Variants in UNC13C observed in about 807,000 individuals in gnomAD.
UNC13C encodes unc-13 homolog C, also known as protein unc-13 homolog C.
Under a neutral mutation model 245.4 loss-of-function variants are expected in UNC13C, and 174 were observed. The observed-to-expected ratio is 0.71, with a 90% CI of 0.63 to 0.80. UNC13C has a LOEUF of 0.80. Among genes scored for constraint, UNC13C ranks in the 30% least tolerant of loss-of-function variants. The pLI, the probability that UNC13C is intolerant of heterozygous loss-of-function variation, is 0.00. For missense variants in UNC13C, 2,829 were observed against 2,602.9 expected (o/e 1.09, Z -1.89); for synonymous variants, 992 against 895.1 (o/e 1.11, Z -1.93).
chr15:54,321,094 C>T (rs1397368379), intron 13 of UNC13C: 3 of 500,742 alleles, frequency 6.0e-6, no homozygotes, highest in South Asian at 1.5e-5. Flanking sequence ...TTTAGGACCA[C>T]TTTGACCTCT....
At chr15:54,038,902 C>T (rs920421182) in intron 2 of UNC13C, among the ~76,000 whole-genome samples, 2 of 151,978 alleles carry the variant, frequency 1.3e-5, no homozygotes, top group African/African-American at 2.4e-5. Flanking sequence ...TAATTGTGGG[C>T]TTGATGTAGC....
At chr15:53,965,930 T>G in the UNC13C span, among the ~76,000 whole-genome samples, 1 of 152,194 alleles carries the variant, frequency 6.6e-6, no homozygotes, top group South Asian at 2.1e-4. Context: ...TATTCCATGG[T>G]GTATATGTGC....
intron 19 of UNC13C, among the ~76,000 whole-genome samples, chr15:54,455,208 T>TCTCTCTCTCTCC (rs1567289113): frequency 5.3e-5 from 3 of 56,672 alleles, no homozygotes; most frequent in African/African-American, 2.2e-4. Flanking sequence ...TCTCTCTCTA[T>TCTCTCTCTCTCC]ATATATATAT....
chr15:54,503,757 A>G (rs1342547534), intron 22 of UNC13C, among the ~76,000 whole-genome samples: 3 of 152,180 alleles, frequency 2.0e-5, no homozygotes, highest in Non-Finnish European at 4.4e-5. Context: ...AGAACTGCAA[A>G]CTATTGCAAT....
At chr15:54,615,748 T>C (rs1372037010) in intron 30 of UNC13C, among the ~76,000 whole-genome samples, 4 of 151,988 alleles carry the variant, frequency 2.6e-5, no homozygotes, top group Non-Finnish European at 5.9e-5. Flanking sequence ...TGGAAACAAG[T>C]AATGGTGACT....
intron 2 of UNC13C, among the ~76,000 whole-genome samples, chr15:54,046,227 A>G (rs1450261625): frequency 1.3e-5 from 2 of 152,164 alleles, no homozygotes; most frequent in East Asian, 1.9e-4. Context: ...AGCACTGTAG[A>G]TGTATTTTTC....
At chr15:54,055,986 G>A (rs17732192) in intron 2 of UNC13C, among the ~76,000 whole-genome samples, 9,615 of 152,074 alleles carry the variant, frequency 0.063, 498 homozygotes, top group South Asian at 0.14. Context: ...GTGCTTCTCC[G>A]CATGATTTCT....
intron 10 of UNC13C, among the ~76,000 whole-genome samples, chr15:54,280,745 T>TAA (rs761687131): frequency 1.1e-4 from 9 of 85,498 alleles, no homozygotes; most frequent in South Asian, 3.1e-4. Context: ...CATACATATA[T>TAA]ACATATATAC....
Position 54,546,720 on chromosome 15 carries a change from A to G in UNC13C, c.5697-2A>G. 2 of 1,467,156 alleles carry G rather than the reference A, an allele frequency of 1.4e-6. No homozygotes were observed. The highest frequency in any genetic ancestry group is 1.8e-6 in the Non-Finnish European group (2 of 1,109,380). 90.9% of individuals were successfully genotyped at this position (1,467,156 alleles called of 1,614,324 possible). On this transcript the variant is annotated splice_acceptor_variant, in intron 26 of 32. Coordinates refer to ENST00000260323, the MANE Select transcript of UNC13C (RefSeq NM_001080534.3). LOFTEE classifies it high-confidence loss of function. Reference sequence around the variant, plus strand: ...GAATATATATATATATTTTTTTTTCAGATTAAGTCTCTCAGCAAAAATCTG... The same window carrying G: ...GAATATATATATATATTTTTTTTTCGGATTAAGTCTCTCAGCAAAAATCTG...
intron 30 of UNC13C, among the ~76,000 whole-genome samples, chr15:54,617,517 C>T (rs1381251937): frequency 6.6e-6 from 1 of 152,016 alleles, no homozygotes; most frequent in Non-Finnish European, 1.5e-5. Context: ...GTCTTACCAT[C>T]TGTAAAATGT....
At chr15:54,288,784 G>A (rs1413829862) in intron 10 of UNC13C, among the ~76,000 whole-genome samples, 1 of 152,050 alleles carries the variant, frequency 6.6e-6, no homozygotes, top group African/African-American at 2.4e-5. Flanking sequence ...CCAGGAGACG[G>A]GCTCTAAGAC....
intron 30 of UNC13C, among the ~76,000 whole-genome samples, chr15:54,580,135 G>A (rs190522323): frequency 3.0e-4 from 45 of 152,232 alleles, no homozygotes; most frequent in South Asian, 1.2e-3. Context: ...GAGCCACCAC[G>A]CCTGTTTTTG....
At chr15:54,061,884 A>G (rs1414025788) in intron 2 of UNC13C, among the ~76,000 whole-genome samples, 1 of 152,120 alleles carries the variant, frequency 6.6e-6, no homozygotes, top group African/African-American at 2.4e-5. Context: ...TGTCAGTTAA[A>G]TCAGGGTCAT....
intron 4 of UNC13C, among the ~76,000 whole-genome samples, chr15:54,158,291 T>C (rs923926739): frequency 2.0e-5 from 3 of 152,250 alleles, no homozygotes; most frequent in Non-Finnish European, 4.4e-5. Context: ...GCCAAACTTC[T>C]TTCCTTTCCA....
At chr15:54,443,108 T>C (rs1890621386) in intron 19 of UNC13C, among the ~76,000 whole-genome samples, 1 of 152,136 alleles carries the variant, frequency 6.6e-6, no homozygotes, top group African/African-American at 2.4e-5. Context: ...GTTGATCTGG[T>C]CAGGTTTTCT....
intron 10 of UNC13C, among the ~76,000 whole-genome samples, chr15:54,286,135 C>T (rs1875275345): frequency 1.3e-5 from 2 of 152,180 alleles, no homozygotes; most frequent in African/African-American, 4.8e-5. Flanking sequence ...TCCACTTCAG[C>T]CTCCCAAAGT....
intron 1 of UNC13C, among the ~76,000 whole-genome samples, chr15:53,987,291 G>A (rs372482714): frequency 6.6e-6 from 1 of 152,020 alleles, no homozygotes; most frequent in East Asian, 1.9e-4. Context: ...TTTAGCTTGG[G>A]AGGTAGTAGA....
At chr15:54,062,748 C>T (rs1012760630) in intron 2 of UNC13C, among the ~76,000 whole-genome samples, 28 of 152,186 alleles carry the variant, frequency 1.8e-4, no homozygotes, top group African/African-American at 6.8e-4. Flanking sequence ...ACTGGTAGAA[C>T]CCAGGAATCT....
At chr15:54,290,358 A>C (rs919046374) in intron 10 of UNC13C, among the ~76,000 whole-genome samples, 1 of 151,916 alleles carries the variant, frequency 6.6e-6, no homozygotes, top group African/African-American at 2.4e-5. Context: ...TATTGTTGCA[A>C]CTCTTCTGTA....
Sources: allele counts gnomAD v4.1 joint callset (sites outside exome capture counted in the v4.1 genomes callset), GRCh38; gene constraint gnomAD v4.1.1; transcripts MANE v1.5; gene names NCBI Gene and HGNC (gene_info 2026-07-23, HGNC 2026-07-21).